DLG2: variants seen among roughly 807,000 people sequenced by gnomAD.
DLG2 encodes the protein discs large MAGUK scaffold protein 2.
DLG2 carries 45 observed loss-of-function variants against 132.5 expected under a neutral mutation model. The ratio of observed to expected loss-of-function variants is 0.34; its 90% CI spans 0.27 to 0.44. DLG2 has a LOEUF of 0.44. DLG2 is among the 20% of genes least tolerant of loss of function. The pLI, the probability that DLG2 is intolerant of heterozygous loss-of-function variation, is 1.00. For missense variants in DLG2, 1,045 were observed against 1,196.9 expected, an observed-to-expected ratio of 0.87 and a Z score of 1.87; for synonymous variants, 424 against 419.6, an observed-to-expected ratio of 1.01 and a Z score of -0.13.
Position 84,080,228 on chromosome 11 carries a change from T to A in DLG2, c.749+18695A>T, listed in dbSNP as rs372165754. Among the ~76,000 whole-genome samples the A allele has an allele frequency of 4.6e-5, 7 of 152,228 alleles. No homozygotes were observed. The East Asian group carries it at 1.3e-3, about 29-fold the overall frequency. Reference sequence around the variant, plus strand: ...AGTTTGGGAGTAAAATAAAATATTCTGTGTCAGTTTAATAAACACTTGTTT... The same window carrying A: ...AGTTTGGGAGTAAAATAAAATATTCAGTGTCAGTTTAATAAACACTTGTTT... On this transcript the variant is annotated intron_variant, in intron 10 of 27. Transcript: ENST00000376104.
At chr11:84,942,220 G>T (rs1163737620) in intron 6 of DLG2, among the ~76,000 whole-genome samples, 1 of 151,678 alleles carries the variant, frequency 6.6e-6, no homozygotes, top group African/African-American at 2.4e-5. Flanking sequence ...TTGTATTTTT[G>T]TTTCAATTTC....
At chr11:84,820,096 G>A (rs2077509061) in intron 6 of DLG2, among the ~76,000 whole-genome samples, 2 of 150,548 alleles carry the variant, frequency 1.3e-5, no homozygotes, top group South Asian at 2.1e-4. Context: ...ACAAGACAAT[G>A]TACAACTGTA....
chr11:83,987,461 A>T (rs1297183741), intron 11 of DLG2, among the ~76,000 whole-genome samples: 1 of 152,210 alleles, frequency 6.6e-6, no homozygotes, highest in East Asian at 1.9e-4. Flanking sequence ...ACAAGGCTAC[A>T]GTAACCAAAA....
rs567545392 is a variant in DLG2 at position 83,784,122 on chromosome 11, A to G, written c.1825+2568T>C. Among the ~76,000 whole-genome samples, 8 of 152,348 alleles carry G rather than the reference A, an allele frequency of 5.3e-5. No homozygotes were observed. The South Asian group carries it at 1.7e-3, about 32-fold the overall frequency. On this transcript the variant is annotated intron_variant, in intron 18 of 27. Transcript: ENST00000376104. Reference sequence around the variant, plus strand: ...TCTAATTCTTGACCATACTAAAAGTATGCCAATAAAATCATCTGCCAGCAT... The same window carrying G: ...TCTAATTCTTGACCATACTAAAAGTGTGCCAATAAAATCATCTGCCAGCAT...
At chr11:84,051,443 C>T (rs1299891692) in intron 11 of DLG2, among the ~76,000 whole-genome samples, 1 of 151,766 alleles carries the variant, frequency 6.6e-6, no homozygotes, top group African/African-American at 2.4e-5. Flanking sequence ...ACTATGCAGC[C>T]ATCAAAAATG....
At chr11:83,763,855 T>C (rs148926211) in intron 18 of DLG2, among the ~76,000 whole-genome samples, 1 of 152,344 alleles carries the variant, frequency 6.6e-6, no homozygotes, top group Non-Finnish European at 1.5e-5. Context: ...CTGTCCTTCT[T>C]CTCTCACTGG....
At chr11:85,310,667 T>C (rs995950902) in intron 3 of DLG2, among the ~76,000 whole-genome samples, 3 of 152,222 alleles carry the variant, frequency 2.0e-5, no homozygotes, top group African/African-American at 4.8e-5. Flanking sequence ...AGGATTAGAC[T>C]AGATGGGGAA....
chr11:83,980,452 T>A, intron 12 of DLG2, 54 bp downstream of exon 12: 1 of 1,567,578 alleles, frequency 6.4e-7, no homozygotes, highest in Non-Finnish European at 8.6e-7. Flanking sequence ...AGTCATACAC[T>A]GGAAAACAAG....
At chr11:85,049,094 G>A (rs1459139329) in intron 6 of DLG2, among the ~76,000 whole-genome samples, 1 of 151,900 alleles carries the variant, frequency 6.6e-6, no homozygotes, top group Non-Finnish European at 1.5e-5. Flanking sequence ...GATTCCTAAA[G>A]AAGAAAACCA....
rs114663527 is a variant in DLG2 at position 83,673,996 on chromosome 11, G to T, written c.1826-40671C>A. 5.8e-3 allele frequency among the ~76,000 whole-genome samples: 884 copies of T among 152,238 alleles called. 12 individuals are homozygous for T. Among genetic ancestry groups the T allele is most frequent in the African/African-American group, 0.02 (844 of 41,528 alleles). On this transcript the variant is annotated intron_variant, in intron 18 of 27. Transcript: ENST00000376104. ...ACTTTTTAAAAACTCATACATGGCT[G>T]CCTTAAACATCTTAATACTTAGTTA...
chr11:84,557,756 G>GT (rs1162547755), intron 6 of DLG2, among the ~76,000 whole-genome samples: 1 of 151,562 alleles, frequency 6.6e-6, no homozygotes, highest in African/African-American at 2.4e-5. Flanking sequence ...CCTTGCATGT[G>GT]TTTTTTGGTG....
chr11:84,114,646 G>C (rs530911826), intron 9 of DLG2, among the ~76,000 whole-genome samples: 28 of 152,192 alleles, frequency 1.8e-4, no homozygotes, highest in African/African-American at 6.7e-4. Context: ...GATTTTAAAA[G>C]CATGCACCCA....
intron 21 of DLG2, among the ~76,000 whole-genome samples, chr11:83,491,313 G>T (rs1295648201): frequency 6.6e-6 from 1 of 151,922 alleles, no homozygotes; most frequent in African/African-American, 2.4e-5. Context: ...CCTAGTGAAG[G>T]CTGAGAACTG....
chr11:84,394,617 CTACT>C (rs1444381494), intron 7 of DLG2, among the ~76,000 whole-genome samples: 3 of 151,830 alleles, frequency 2.0e-5, no homozygotes, highest in Non-Finnish European at 4.4e-5. Flanking sequence ...AACCTCTTGC[CTACT>C]TACTTTTTCT....
intron 7 of DLG2, among the ~76,000 whole-genome samples, chr11:84,514,724 G>C (rs746950813): frequency 6.6e-6 from 1 of 151,912 alleles, no homozygotes; most frequent in African/African-American, 2.4e-5. Flanking sequence ...AAGTTGTATA[G>C]TTAGAGTGAA....
intron 2 of DLG2, among the ~76,000 whole-genome samples, chr11:85,608,839 C>A (rs1591275973): frequency 1.3e-5 from 2 of 152,214 alleles, no homozygotes; most frequent in East Asian, 3.8e-4. Context: ...AACCTTCAAT[C>A]TCTTTTGGAG....
At chr11:85,193,887 G>A (rs1262718840) in intron 4 of DLG2, among the ~76,000 whole-genome samples, 1 of 152,194 alleles carries the variant, frequency 6.6e-6, no homozygotes, top group Admixed American at 6.5e-5. Context: ...TGGTTCAAAT[G>A]CAGTGTCTTG....
At chr11:84,631,714 T>A (rs2099632532) in intron 6 of DLG2, among the ~76,000 whole-genome samples, 1 of 152,056 alleles carries the variant, frequency 6.6e-6, no homozygotes, top group Non-Finnish European at 1.5e-5. Context: ...AATAAATATC[T>A]TCACTGAAAA....
intron 7 of DLG2, among the ~76,000 whole-genome samples, chr11:84,480,239 G>A (rs573097492): frequency 1.8e-4 from 27 of 152,114 alleles, no homozygotes; most frequent in South Asian, 6.2e-4. Context: ...CCCATGAGTC[G>A]TTAGCCATCA....
Sources: gnomAD v4.1 joint callset for allele counts (sites outside exome capture counted in the v4.1 genomes callset) on GRCh38, gnomAD v4.1.1 for gene constraint, MANE v1.5 for transcripts, NCBI Gene and HGNC (gene_info 2026-07-23, HGNC 2026-07-21) for gene names.